CLOCK: variants seen among roughly 807,000 people sequenced by gnomAD.
CLOCK encodes the protein clock circadian regulator.
A neutral mutation model predicts 118.4 loss-of-function variants in CLOCK; 43 were observed. The ratio of observed to expected loss-of-function variants is 0.36; its 90% confidence interval spans 0.28 to 0.47. The LOEUF is 0.47. Ranked by LOEUF, CLOCK falls within the 20% of genes least tolerant of loss-of-function variation. The pLI is 1.00. For synonymous variants in CLOCK, 326 were observed against 339.2 expected, an observed-to-expected ratio of 0.96 and a Z score of 0.43; for missense variants, 846 against 999.9, an observed-to-expected ratio of 0.85 and a Z score of 2.08.
At chr4:55,501,353 T>TACA (rs1226223967) in intron 2 of CLOCK, among the ~76,000 whole-genome samples, 1 of 152,268 alleles carries the variant, frequency 6.6e-6, no homozygotes, top group Non-Finnish European at 1.5e-5. Flanking sequence ...CTTGAATTAC[T>TACA]ACATTTTTGT....
chr4:55,459,056 C>G, intron 10 of CLOCK, 46 bp from the exon 11 acceptor site: 1 of 1,510,210 alleles, frequency 6.6e-7, no homozygotes, highest in South Asian at 1.1e-5. Context: ...CCAGCAAAAC[C>G]TAATTGTCAC....
intron 2 of CLOCK, among the ~76,000 whole-genome samples, chr4:55,491,811 GT>G (rs57747045): frequency 0.25 from 37,459 of 151,960 alleles, 4,951 homozygotes; most frequent in South Asian, 0.37. Flanking sequence ...AGAGTACATA[GT>G]TTTTTTAAGA....
At chr4:55,516,132 G>A (rs1470436481) in intron 1 of CLOCK, among the ~76,000 whole-genome samples, 2 of 152,080 alleles carry the variant, frequency 1.3e-5, no homozygotes, top group African/African-American at 4.8e-5. Context: ...TGTCTCTTGT[G>A]GTGAGTGTTC....
intron 2 of CLOCK, among the ~76,000 whole-genome samples, chr4:55,502,016 T>C (rs762746469): frequency 7.9e-5 from 12 of 152,120 alleles, no homozygotes; most frequent in Non-Finnish European, 1.8e-4. Flanking sequence ...ACAAAAGACA[T>C]ATAAGACCTG....
chr4:55,531,654 G>A (rs1403344319), intron 1 of CLOCK, among the ~76,000 whole-genome samples: 3 of 122,828 alleles, frequency 2.4e-5, no homozygotes, highest in Non-Finnish European at 3.2e-5. Flanking sequence ...GTAGTGAGTC[G>A]AGATCACGCC....
chr4:55,525,908 G>A (rs1044583066), intron 1 of CLOCK, among the ~76,000 whole-genome samples: 1 of 151,096 alleles, frequency 6.6e-6, no homozygotes, highest in Admixed American at 6.6e-5. Flanking sequence ...GTGTACTGAT[G>A]GTATGCCAAG....
chr4:55,497,666 T>A (rs1336664447), intron 2 of CLOCK, among the ~76,000 whole-genome samples: 1 of 152,248 alleles, frequency 6.6e-6, no homozygotes, highest in Non-Finnish European at 1.5e-5. Context: ...GAAAATAATG[T>A]GTATGACAAT....
At chr4:55,515,936 T>C (rs1271039196) in intron 1 of CLOCK, among the ~76,000 whole-genome samples, 1 of 151,648 alleles carries the variant, frequency 6.6e-6, no homozygotes, top group Non-Finnish European at 1.5e-5. Context: ...CAAAAAAAGA[T>C]GAAAATAAAA....
At chr4:55,466,623 A>G (rs1725754950) in intron 8 of CLOCK, among the ~76,000 whole-genome samples, 1 of 152,300 alleles carries the variant, frequency 6.6e-6, no homozygotes, top group South Asian at 2.1e-4. Context: ...AGGATGTTTC[A>G]TATTCATAGA....
At chr4:55,546,513 C>G (rs923315027) in intron 1 of CLOCK, 105 of 151,796 alleles carry the variant, frequency 6.9e-4, no homozygotes, top group Non-Finnish European at 9.3e-4. Context: ...GGCTTCTTCC[C>G]TCCCCCACCC....
chr4:55,452,954 ATAAAG>A, intron 15 of CLOCK, 95 bp downstream of exon 15: 3 of 832,560 alleles, frequency 3.6e-6, no homozygotes, highest in Non-Finnish European at 5.8e-6. Context: ...AAGTGAGGAA[ATAAAG>A]TATTTTTGAA....
At position 55,444,716 on chromosome 4, in the gene CLOCK, T is replaced by C; in HGVS notation, c.1609A>G (p.Ile537Val). The change falls in exon 19 of 23, where the codon ATA becomes GTA. Residue 537 changes from isoleucine (I) to valine (V), a missense_variant. Physicochemically the swap from Ile to Val is conservative, Grantham distance 29. Around this residue, in one of 4 missense-constraint regions of CLOCK, gnomAD observed 520 missense variants for 558.0 expected, o/e 0.93. Coordinates refer to ENST00000513440, the MANE Select transcript of CLOCK (RefSeq NM_004898.4). The stretch of plus-strand genomic sequence containing the variant: ...TGTTGCCGATGAATATTTGCTTCTA[T>C]CATGCGTGTCCGTTGTTCCAATTGG... ...KDQLEQRTRM[I>V]EANIHRQQEE... The C allele has an allele frequency of 6.2e-7, 1 of 1,614,150 alleles. No individual in the cohort carries two copies. Among genetic ancestry groups the C allele is most frequent in the Non-Finnish European group, 8.5e-7 (1 of 1,180,014 alleles).
intron 6 of CLOCK, among the ~76,000 whole-genome samples, chr4:55,477,450 A>C (rs1028722152): frequency 1.3e-5 from 2 of 152,096 alleles, no homozygotes; most frequent in Non-Finnish European, 2.9e-5. Context: ...GAATTTGGCA[A>C]CTGTGATATG....
chr4:55,462,731 T>A (rs1329825421), intron 9 of CLOCK, among the ~76,000 whole-genome samples: 1 of 152,222 alleles, frequency 6.6e-6, no homozygotes, highest in Non-Finnish European at 1.5e-5. Flanking sequence ...ATGGTCAATG[T>A]CATATGAACT....
At chr4:55,485,166 T>C (rs192740378) in intron 3 of CLOCK, among the ~76,000 whole-genome samples, 2 of 152,206 alleles carry the variant, frequency 1.3e-5, no homozygotes, top group African/African-American at 2.4e-5. Context: ...GGTTTCACCA[T>C]ATTGGTCAGG....
Position 55,509,934 on chromosome 4 carries a change from G to A in CLOCK, c.-158C>T, listed in dbSNP as rs1729034381. The A allele has an allele frequency of 6.6e-6, 1 of 152,260 alleles. No individual in the cohort carries two copies. Among genetic ancestry groups the A allele is most frequent in the East Asian group, 1.9e-4 (1 of 5,180 alleles). The allele number at this position is 152,260 out of a possible 1,614,324, so 9.4% of individuals were successfully genotyped here. On this transcript the variant is annotated 5_prime_UTR_variant, in exon 2 of 23. Transcript: ENST00000513440. ...TACCTTTGAGCTCAAAATGATGATT[G>A]AAGGTATCTAGTGAGACTTGCCAAG... is the stretch of plus-strand genomic sequence containing the variant.
rs1358636282 is a variant in CLOCK, at chr4:55,455,890, T to C, written c.982+7A>G. On this transcript the variant is annotated splice_region_variant and intron_variant, in intron 13 of 22. Transcript: ENST00000513440. ...TATTATCACCAGAAATGTTAAAATCTACTTACAGTGCTCATGACATTTTGC... is the reference window on the plus strand; with the variant it reads ...TATTATCACCAGAAATGTTAAAATCCACTTACAGTGCTCATGACATTTTGC... The C allele has an allele frequency of 1.9e-6, 3 of 1,578,678 alleles. No individual in the cohort carries two copies. The highest frequency in any genetic ancestry group is 2.7e-5 in the African/African-American group (2 of 74,178).
At chr4:55,505,161 C>CAAAA (rs36120601) in intron 2 of CLOCK, among the ~76,000 whole-genome samples, 35 of 141,450 alleles carry the variant, frequency 2.5e-4, no homozygotes, top group Admixed American at 4.2e-4. Context: ...ACCCCCCCAC[C>CAAAA]AAAAAAAAAA....
At chr4:55,514,231 A>G (rs955222309) in intron 1 of CLOCK, among the ~76,000 whole-genome samples, 1 of 152,112 alleles carries the variant, frequency 6.6e-6, no homozygotes, top group African/African-American at 2.4e-5. Context: ...CATTACATAA[A>G]ACGTTAGCTA....
Sources: gnomAD v4.1 joint callset for allele counts (sites outside exome capture counted in the v4.1 genomes callset) on GRCh38, gnomAD v4.1.1 for gene constraint, gnomAD v4.1.1 regional missense constraint, MANE v1.5 for transcripts, NCBI Gene and HGNC (gene_info 2026-07-23, HGNC 2026-07-21) for gene names.